Variants in SULT1E1 observed in about 807,000 individuals in gnomAD.
The protein encoded by SULT1E1 is sulfotransferase family 1E member 1, also known as sulfotransferase 1E1.
Under a neutral mutation model 33.6 loss-of-function variants are expected in SULT1E1, and 36 were observed. That is an observed-to-expected ratio of 1.07 (90% confidence interval 0.82 to 1.41). The LOEUF (loss-of-function observed/expected upper bound fraction) is 1.41, where lower values mean the gene tolerates loss of function less well. Ranked by LOEUF, SULT1E1 falls within the 40% of genes most tolerant of loss-of-function variation. The pLI is 0.00. For missense variants in SULT1E1, 371 were observed against 345.7 expected (o/e 1.07, Z -0.58); for synonymous variants, 121 against 111.7 (o/e 1.08, Z -0.53).
intron 1 of SULT1E1, among the ~76,000 whole-genome samples, chr4:69,858,061 T>C (rs943995964): frequency 3.9e-5 from 6 of 152,104 alleles, no homozygotes; most frequent in Non-Finnish European, 8.8e-5. Flanking sequence ...ATATGTCAAA[T>C]AACAATAAAG....
the SULT1E1 span, among the ~76,000 whole-genome samples, chr4:69,822,922 T>C: frequency 6.6e-6 from 1 of 152,272 alleles, no homozygotes; most frequent in East Asian, 1.9e-4. Flanking sequence ...CAGAGGATAA[T>C]GTTTATTTTA....
At chr4:69,850,605 C>G (rs916606089) in intron 4 of SULT1E1, among the ~76,000 whole-genome samples, 6 of 152,070 alleles carry the variant, frequency 3.9e-5, no homozygotes, top group Non-Finnish European at 8.8e-5. Context: ...CTTTTCCAAT[C>G]TTACTTATAA....
At chr4:69,830,915 C>T in the SULT1E1 span, among the ~76,000 whole-genome samples, 2 of 152,202 alleles carry the variant, frequency 1.3e-5, no homozygotes, top group East Asian at 1.9e-4. Context: ...CTCACTCTGC[C>T]CCCTGGATGT....
chr4:69,840,912 G>T (rs1327390230), downstream of SULT1E1, among the ~76,000 whole-genome samples: 1 of 152,126 alleles, frequency 6.6e-6, no homozygotes, highest in Non-Finnish European at 1.5e-5. Flanking sequence ...CGGGCGTGGT[G>T]GCGGCCGCCT....
At chr4:69,844,050 A>T (rs1481755394) in intron 7 of SULT1E1, 111 bp downstream of exon 7, 13 of 930,278 alleles carry the variant, frequency 1.4e-5, no homozygotes, top group Non-Finnish European at 1.2e-5. Context: ...AGACTGCTGA[A>T]GAAAACTTAA....
chr4:69,826,749 T>C, the SULT1E1 span, among the ~76,000 whole-genome samples: 2 of 152,152 alleles, frequency 1.3e-5, no homozygotes, highest in African/African-American at 2.4e-5. Context: ...TATAATACTA[T>C]CCTGCAGCTT....
At chr4:69,829,373 A>G in the SULT1E1 span, among the ~76,000 whole-genome samples, 1 of 152,154 alleles carries the variant, frequency 6.6e-6, no homozygotes, top group African/African-American at 2.4e-5. Flanking sequence ...GATGGACCCA[A>G]ACCAGAGTTG....
chr4:69,856,523 G>C (rs1039267079), intron 2 of SULT1E1, among the ~76,000 whole-genome samples: 3 of 152,180 alleles, frequency 2.0e-5, no homozygotes, highest in African/African-American at 7.2e-5. Flanking sequence ...AATGCCAGAT[G>C]AATAAGCAAG....
chr4:69,838,274 AT>A (rs1381834281), downstream of SULT1E1, among the ~76,000 whole-genome samples: 1 of 151,738 alleles, frequency 6.6e-6, no homozygotes, highest in Non-Finnish European at 1.5e-5. Context: ...ATCCAGTTTA[AT>A]TTAATTGTTT....
chr4:69,838,157 C>T (rs552520679), downstream of SULT1E1, among the ~76,000 whole-genome samples: 2 of 152,194 alleles, frequency 1.3e-5, no homozygotes, highest in East Asian at 3.9e-4. Context: ...AATGTAGGTC[C>T]TCTGTTTTCC....
the SULT1E1 span, among the ~76,000 whole-genome samples, chr4:69,835,229 G>C: frequency 3.9e-5 from 6 of 152,070 alleles, no homozygotes; most frequent in Non-Finnish European, 7.4e-5. Context: ...TCCATTATTT[G>C]GGTACGTATC....
At chr4:69,850,494 AT>A (rs1197506322) in intron 4 of SULT1E1, among the ~76,000 whole-genome samples, 1 of 152,090 alleles carries the variant, frequency 6.6e-6, no homozygotes, top group Non-Finnish European at 1.5e-5. Flanking sequence ...TTATTCTTAG[AT>A]GTATAGCTCT....
the SULT1E1 span, among the ~76,000 whole-genome samples, chr4:69,835,977 A>G: frequency 6.6e-6 from 1 of 152,164 alleles, no homozygotes; most frequent in Non-Finnish European, 1.5e-5. Flanking sequence ...TCTTCATAGA[A>G]TCATTGCTAT....
the SULT1E1 span, among the ~76,000 whole-genome samples, chr4:69,824,431 C>A: frequency 6.6e-6 from 1 of 152,168 alleles, no homozygotes; most frequent in Non-Finnish European, 1.5e-5. Flanking sequence ...CCTTTGATTT[C>A]TTTAAAGGCC....
chr4:69,844,226 G>A lies in SULT1E1; in HGVS notation c.707C>T (p.Ser236Phe). The A allele has an allele frequency of 6.2e-7, 1 of 1,613,898 alleles. No individual in the cohort carries two copies. The highest frequency in any genetic ancestry group is 8.5e-7 in the Non-Finnish European group (1 of 1,179,872). ...GTCTGGCAGTGTTGTGTAATTTGTG[G>A]ATGGATTGTTCTTCATCTCTTGGAA... Reference protein sequence around the residue: ...TSFQEMKNNPSTNYTTLPDEI... With the variant: ...TSFQEMKNNPFTNYTTLPDEI... The change falls in exon 7 of 8, where the codon TCC becomes TTC. Residue 236 changes from serine (S) to phenylalanine (F), a missense_variant. By Grantham distance (155) the Ser-to-Phe change is radical (BLOSUM62 -2). Transcript: ENST00000226444.
chr4:69,840,128 C>T (rs758083300), downstream of SULT1E1, among the ~76,000 whole-genome samples: 31 of 151,960 alleles, frequency 2.0e-4, no homozygotes, highest in Non-Finnish European at 4.4e-5. Context: ...TCTGATTCCC[C>T]CGGTAAACAC....
rs11573778 is a variant in SULT1E1, at chr4:69,848,696, C to T, written c.496+741G>A. On this transcript the variant is annotated intron_variant, in intron 5 of 7. Coordinates refer to ENST00000226444, the MANE Select transcript of SULT1E1 (RefSeq NM_005420.3). The stretch of plus-strand genomic sequence containing the variant: ...CCAAAATGTAGCAACAAACACAAAG[C>T]ACATATACCTTATTTGTCTTGAGTC... 1.9e-3 allele frequency among the ~76,000 whole-genome samples: 285 copies of T among 152,004 alleles called. 2 individuals carry two copies. The highest frequency in any genetic ancestry group is 0.017 in the Admixed American group (257 of 15,232).
At chr4:69,825,318 A>G in the SULT1E1 span, among the ~76,000 whole-genome samples, 37 of 152,204 alleles carry the variant, frequency 2.4e-4, no homozygotes, top group Admixed American at 1.4e-3. Flanking sequence ...AAGAACTGTA[A>G]CACTCACCGC....
At chr4:69,843,674 T>G (rs1720922927) in intron 7 of SULT1E1, among the ~76,000 whole-genome samples, 1 of 152,232 alleles carries the variant, frequency 6.6e-6, no homozygotes, top group Admixed American at 6.5e-5. Context: ...TATGTTGATA[T>G]TTTTTGCTAA....
Sources: allele counts gnomAD v4.1 joint callset (sites outside exome capture counted in the v4.1 genomes callset), GRCh38; gene constraint gnomAD v4.1.1; transcripts MANE v1.5; gene names NCBI Gene and HGNC (gene_info 2026-07-23, HGNC 2026-07-21).